TRMT11: variants seen among roughly 807,000 people sequenced by gnomAD.
TRMT11 encodes tRNA methyltransferase 11.
In TRMT11, 53 loss-of-function variants were observed where a neutral mutation model predicts 62.8. That is an observed-to-expected ratio of 0.84 (90% CI 0.68 to 1.06). The LOEUF (loss-of-function observed/expected upper bound fraction) is 1.06. Ranked by LOEUF, TRMT11 falls within the 50% of genes least tolerant of loss-of-function variation. The pLI is 0.00. For missense variants in TRMT11, 556 were observed against 553.4 expected (o/e 1.00, Z -0.05); for synonymous variants, 188 against 190.3 (o/e 0.99, Z 0.10).
intron 8 of TRMT11, among the ~76,000 whole-genome samples, chr6:126,010,522 T>A (rs1399068550): frequency 6.6e-6 from 1 of 152,114 alleles, no homozygotes; most frequent in Non-Finnish European, 1.5e-5. Flanking sequence ...TTCAGCCTTA[T>A]GGAGTCAGTA....
At chr6:126,155,564 A>G (rs558849659) in intron 21 of TRMT11, among the ~76,000 whole-genome samples, 14 of 152,230 alleles carry the variant, frequency 9.2e-5, no homozygotes, top group Non-Finnish European at 1.6e-4. Flanking sequence ...CTCATCTTCC[A>G]CCTATGAGCC....
At chr6:126,136,503 G>A (rs1335830883) in intron 21 of TRMT11, among the ~76,000 whole-genome samples, 2 of 151,662 alleles carry the variant, frequency 1.3e-5, no homozygotes, top group Admixed American at 1.3e-4. Flanking sequence ...AGAAGTTGAA[G>A]AGGATATGAA....
chr6:126,133,344 GGT>G (rs1317444472), intron 21 of TRMT11, among the ~76,000 whole-genome samples: 1 of 151,866 alleles, frequency 6.6e-6, no homozygotes, highest in Non-Finnish European at 1.5e-5. Context: ...ATAAAAGCAA[GGT>G]TAAAAAAATA....
chr6:126,146,864 C>A lies in TRMT11; in HGVS notation c.*1824-27961C>A, dbSNP rs185397856. Among the ~76,000 whole-genome samples, 265 of 38,798 alleles carry A rather than the reference C, an allele frequency of 6.8e-3. 80 individuals carry two copies. The highest frequency in any genetic ancestry group is 0.031 in the African/African-American group (260 of 8,322). 25.5% of individuals were successfully genotyped at this position (38,798 alleles called of 152,430 possible). ...TTAAGTTCTCCATAAGTAGTAACTA[C>A]TGATATTACTAAATTATTTATATTG... On this transcript the variant is annotated intron_variant and NMD_transcript_variant, in intron 21 of 22. Transcript: ENST00000648977.
intron 21 of TRMT11, among the ~76,000 whole-genome samples, chr6:126,171,878 C>G (rs1012878458): frequency 1.3e-5 from 2 of 152,008 alleles, no homozygotes; most frequent in Admixed American, 1.3e-4. Context: ...TGCTACCATG[C>G]CCAGCTAATT....
At chr6:125,997,915 A>G (rs1171709718) in intron 3 of TRMT11, 138 bp from the exon 4 acceptor site, 1 of 599,936 alleles carries the variant, frequency 1.7e-6, no homozygotes, top group Non-Finnish European at 3.0e-6. Context: ...TTTATCTAAA[A>G]TAACCGATTC....
chr6:126,258,892 G>A, the TRMT11 span, among the ~76,000 whole-genome samples: 2 of 151,948 alleles, frequency 1.3e-5, no homozygotes, highest in Admixed American at 6.6e-5. Context: ...ACGTGTCATG[G>A]GGATTTGTTG....
chr6:126,243,828 A>G, the TRMT11 span, among the ~76,000 whole-genome samples: 2 of 152,190 alleles, frequency 1.3e-5, no homozygotes, highest in Non-Finnish European at 2.9e-5. Flanking sequence ...GATATACCTA[A>G]TGTAAATGAC....
At chr6:126,029,598 G>A (rs1217996122) in intron 12 of TRMT11, among the ~76,000 whole-genome samples, 1 of 152,066 alleles carries the variant, frequency 6.6e-6, no homozygotes, top group African/African-American at 2.4e-5. Context: ...CCTAGGAGAG[G>A]AATAGTCTCT....
chr6:126,222,442 A>AT, the TRMT11 span, among the ~76,000 whole-genome samples: 2 of 152,136 alleles, frequency 1.3e-5, no homozygotes, highest in African/African-American at 2.4e-5. Context: ...TTTCCTATCC[A>AT]TAAGTATAGA....
chr6:126,097,496 A>G (rs948199999), intron 17 of TRMT11, among the ~76,000 whole-genome samples: 1 of 152,180 alleles, frequency 6.6e-6, no homozygotes, highest in African/African-American at 2.4e-5. Flanking sequence ...TTCTTTCCTT[A>G]GGGCAATAGT....
chr6:126,148,845 A>G (rs1333050474), intron 21 of TRMT11, among the ~76,000 whole-genome samples: 1 of 152,208 alleles, frequency 6.6e-6, no homozygotes, highest in Non-Finnish European at 1.5e-5. Context: ...ACATTAAAAC[A>G]GTCAATGTTA....
chr6:126,085,988 CACAA>C (rs1583870961), intron 17 of TRMT11, among the ~76,000 whole-genome samples: 1 of 151,952 alleles, frequency 6.6e-6, no homozygotes, highest in African/African-American at 2.4e-5. Flanking sequence ...ACAAAAATGA[CACAA>C]ACAAAACAAA....
At chr6:126,238,066 A>G in the TRMT11 span, among the ~76,000 whole-genome samples, 1 of 151,992 alleles carries the variant, frequency 6.6e-6, no homozygotes, top group Non-Finnish European at 1.5e-5. Flanking sequence ...TATCCCCTTT[A>G]TCATTTTTAT....
intron 21 of TRMT11, among the ~76,000 whole-genome samples, chr6:126,169,431 C>T (rs1778305575): frequency 6.6e-6 from 1 of 152,178 alleles, no homozygotes; most frequent in South Asian, 2.1e-4. Context: ...AACAATGGTG[C>T]TTAGTGTTAC....
rs375971747 is a variant in TRMT11 at position 126,158,437 on chromosome 6, A to G, written c.*1824-16388A>G. Among the ~76,000 whole-genome samples, 238 of 152,318 alleles carry G rather than the reference A, an allele frequency of 1.6e-3. 1 individual carries two copies. Among genetic ancestry groups the G allele is most frequent in the African/African-American group, 5.5e-3 (230 of 41,572 alleles). The stretch of plus-strand genomic sequence containing the variant: ...ATTCAAGTTCAATATCTTTGGCAAT[A>G]CTAGAAGGAGTGTTTGGGAAGACTA... On this transcript the variant is annotated intron_variant and NMD_transcript_variant, in intron 21 of 22. Coordinates refer to the TRMT11 transcript ENST00000648977.
the TRMT11 span, among the ~76,000 whole-genome samples, chr6:126,223,307 G>T: frequency 6.6e-6 from 1 of 152,010 alleles, no homozygotes; most frequent in Non-Finnish European, 1.5e-5. Context: ...TGTAGTCCCA[G>T]CTACTCAGGA....
chr6:126,005,051 T>C (rs1793150356), intron 7 of TRMT11, among the ~76,000 whole-genome samples: 2 of 152,048 alleles, frequency 1.3e-5, no homozygotes, highest in African/African-American at 4.8e-5. Context: ...CATCTCTTAG[T>C]TGTTAGGAAG....
At chr6:126,012,089 TC>T (rs1321555735) in intron 9 of TRMT11, among the ~76,000 whole-genome samples, 1 of 152,166 alleles carries the variant, frequency 6.6e-6, no homozygotes, top group Non-Finnish European at 1.5e-5. Flanking sequence ...CTATCTCAGC[TC>T]TCTTTAGTTC....
Sources: allele counts gnomAD v4.1 joint callset (sites outside exome capture counted in the v4.1 genomes callset), GRCh38; gene constraint gnomAD v4.1.1; transcripts MANE v1.5; gene names NCBI Gene and HGNC (gene_info 2026-07-23, HGNC 2026-07-21).